BLTP2: variants seen among roughly 807,000 people sequenced by gnomAD.
BLTP2 encodes the protein bridge-like lipid transfer protein family member 2, also known as U937-associated antigen.
the BLTP2 span, chr17:28,644,233 G>A: frequency 6.3e-7 from 1 of 1,598,452 alleles, no homozygotes; most frequent in Non-Finnish European, 8.5e-7. Flanking sequence ...TTCCAATGAT[G>A]GTTTCCCTCA....
chr17:28,640,382 G>C, the BLTP2 span: 5 of 637,832 alleles, frequency 7.8e-6, no homozygotes, highest in East Asian at 9.5e-5. Context: ...AACAGAGCAA[G>C]ACTCCGTCTC....
the BLTP2 span, chr17:28,634,619 G>C: frequency 6.2e-7 from 1 of 1,614,202 alleles, no homozygotes; most frequent in Non-Finnish European, 8.5e-7. Flanking sequence ...TCTTGAACCT[G>C]TTCTACCACA....
the BLTP2 span, chr17:28,642,180 C>T: frequency 1.9e-6 from 3 of 1,579,472 alleles, no homozygotes; most frequent in African/African-American, 2.7e-5. Flanking sequence ...GAGGGAACCC[C>T]CTAAGGTCAA....
At chr17:28,627,378 T>C in the BLTP2 span, among the ~76,000 whole-genome samples, 1 of 152,046 alleles carries the variant, frequency 6.6e-6, no homozygotes, top group African/African-American at 2.4e-5. Context: ...CCTGATGGTA[T>C]TCCCCCCTTC....
chr17:28,624,143 A>C, the BLTP2 span: 1 of 1,479,390 alleles, frequency 6.8e-7, no homozygotes, highest in South Asian at 1.3e-5. Flanking sequence ...TTGGAGCTCT[A>C]TTCACCCATT....
the BLTP2 span, chr17:28,635,794 G>A: frequency 1.7e-6 from 1 of 577,162 alleles, no homozygotes; most frequent in Non-Finnish European, 3.0e-6. Flanking sequence ...GCTGACAGTT[G>A]ATAGTGTCTG....
chr17:28,635,272 T>C, the BLTP2 span: 2 of 1,614,186 alleles, frequency 1.2e-6, no homozygotes, highest in Middle Eastern at 1.6e-4. Context: ...AGCAGCCAGC[T>C]CTGGACAGTA....
At chr17:28,634,822 T>C in the BLTP2 span, 1 of 1,613,748 alleles carries the variant, frequency 6.2e-7, no homozygotes, top group Admixed American at 1.7e-5. Flanking sequence ...CAACTCCCCA[T>C]GCTGCTTCCG....
chr17:28,616,354 C>A, the BLTP2 span: 3 of 1,613,244 alleles, frequency 1.9e-6, no homozygotes, highest in Non-Finnish European at 2.5e-6. The surrounding 1 kb of genome is among the most constrained non-coding windows in gnomAD (Gnocchi z 4.8). Context: ...TCCCATTTTT[C>A]TATCATCAGG....
At chr17:28,616,481 C>A in the BLTP2 span, 1 of 1,614,094 alleles carries the variant, frequency 6.2e-7, no homozygotes, top group African/African-American at 1.3e-5. The surrounding 1 kb of genome is among the most constrained non-coding windows in gnomAD (Gnocchi z 4.8). Flanking sequence ...CTGTTGCAAT[C>A]AGCTGCCGAG....
At chr17:28,625,763 A>ATGCTTT in the BLTP2 span, among the ~76,000 whole-genome samples, 1 of 151,850 alleles carries the variant, frequency 6.6e-6, no homozygotes, top group African/African-American at 2.4e-5. Context: ...CTAGCCCTCA[A>ATGCTTT]TGCTTTTTTT....
At chr17:28,643,923 TC>T in the BLTP2 span, 1 of 1,197,106 alleles carries the variant, frequency 8.4e-7, no homozygotes, top group Non-Finnish European at 1.2e-6. Flanking sequence ...TCTAAGATCA[TC>T]TTGGCAAAGA....
At chr17:28,627,410 ATTT>A in the BLTP2 span, among the ~76,000 whole-genome samples, 1 of 141,322 alleles carries the variant, frequency 7.1e-6, no homozygotes, top group Non-Finnish European at 1.6e-5. Context: ...CAATACCTCC[ATTT>A]TTTTTTTTTT....
chr17:28,617,614 G>A, the BLTP2 span, among the ~76,000 whole-genome samples: 923 of 152,280 alleles, frequency 6.1e-3, 12 homozygotes, highest in African/African-American at 0.021. Context: ...CCTTCTTTAC[G>A]TCAATGGCAG....
At chr17:28,617,068 T>C in the BLTP2 span, 1 of 1,280,024 alleles carries the variant, frequency 7.8e-7, no homozygotes, top group Non-Finnish European at 1.1e-6. Flanking sequence ...CCACAAATCC[T>C]CTGCAGAATG....
the BLTP2 span, chr17:28,638,408 C>T: frequency 1.2e-6 from 2 of 1,613,712 alleles, no homozygotes; most frequent in African/African-American, 1.3e-5. Context: ...GCCTGAGGTG[C>T]TGGTAATCTG....
chr17:28,634,603 T>A, the BLTP2 span: 1 of 1,614,146 alleles, frequency 6.2e-7, no homozygotes, highest in Non-Finnish European at 8.5e-7. Flanking sequence ...GCTGCCTGGA[T>A]CAAGCTCTTG....
At chr17:28,618,722 G>C in the BLTP2 span, 2 of 1,276,628 alleles carry the variant, frequency 1.6e-6, no homozygotes, top group Admixed American at 2.2e-5. Flanking sequence ...TCTTTTATGA[G>C]TTAGACTCCT....
chr17:28,645,131 G>C, the BLTP2 span: 5 of 1,251,742 alleles, frequency 4.0e-6, no homozygotes, highest in African/African-American at 4.8e-5. Flanking sequence ...GCGCAGCACC[G>C]CCGCGGGCCG....
Sources: gnomAD v4.1 joint callset for allele counts (sites outside exome capture counted in the v4.1 genomes callset) on GRCh38, gnomAD v4.1.1 for gene constraint, Gnocchi (gnomAD v3.1) non-coding constraint, MANE v1.5 for transcripts, NCBI Gene and HGNC (gene_info 2026-07-23, HGNC 2026-07-21) for gene names.